STAT3: variants seen among roughly 807,000 people sequenced by gnomAD.
The protein encoded by STAT3 is signal transducer and activator of transcription 3, also known as DNA-binding protein APRF.
In STAT3, 7 loss-of-function variants were observed where a neutral mutation model predicts 114.3. The ratio of observed to expected loss-of-function variants is 0.06; its 90% CI spans 0.03 to 0.11. The LOEUF (loss-of-function observed/expected upper bound fraction) is 0.11, where lower values mean the gene tolerates loss of function less well. Ranked by LOEUF, STAT3 falls within the 10% of genes least tolerant of loss-of-function variation. The pLI is 1.00. For synonymous variants in STAT3, 331 were observed against 354.5 expected, an observed-to-expected ratio of 0.93 and a Z score of 0.74; for missense variants, 364 against 960.9, an observed-to-expected ratio of 0.38 and a Z score of 8.21.
intron 1 of STAT3, among the ~76,000 whole-genome samples, chr17:42,357,599 G>A (rs896714205): frequency 1.3e-5 from 2 of 152,094 alleles, no homozygotes; most frequent in Non-Finnish European, 2.9e-5. Flanking sequence ...TTGAACCCGC[G>A]AGGCAGAGGT....
At chr17:42,384,758 G>A (rs1255648310) in intron 1 of STAT3, among the ~76,000 whole-genome samples, 4 of 151,558 alleles carry the variant, frequency 2.6e-5, no homozygotes, top group African/African-American at 4.9e-5. Context: ...GTTTTACCAC[G>A]TTGCCCAAGC....
At chr17:42,359,406 C>T (rs558440021) in intron 1 of STAT3, among the ~76,000 whole-genome samples, 32 of 152,016 alleles carry the variant, frequency 2.1e-4, no homozygotes, top group Non-Finnish European at 4.3e-4. Flanking sequence ...GTCAGTGATG[C>T]TGTGATTTGG....
intron 1 of STAT3, among the ~76,000 whole-genome samples, chr17:42,370,070 A>G (rs1376224657): frequency 6.6e-6 from 1 of 151,902 alleles, no homozygotes; most frequent in Non-Finnish European, 1.5e-5. Context: ...CTCCTGGTTC[A>G]AGCGATTCTC....
At chr17:42,340,958 G>T (rs895289142) in intron 4 of STAT3, among the ~76,000 whole-genome samples, 1 of 152,106 alleles carries the variant, frequency 6.6e-6, no homozygotes, top group Non-Finnish European at 1.5e-5. Context: ...GCTCCATATG[G>T]ATGGCTGGGG....
At position 42,388,291 on chromosome 17, in the gene STAT3, CAGAGGCCG is replaced by C. The variant is rs2085226738; in HGVS notation, c.-44_-37del. ...GCACCCCCTTCACCTGTTTCTCCGGCAGAGGCCGAGAGGCCGGGGCTGCGCGTGTGCCG... is the reference window on the plus strand; with the variant it reads ...GCACCCCCTTCACCTGTTTCTCCGGCAGAGGCCGGGGCTGCGCGTGTGCCG... On this transcript the variant is annotated 5_prime_UTR_variant, in exon 1 of 24. Transcript: ENST00000264657. 75 of 1,231,756 alleles carry C rather than the reference CAGAGGCCG, an allele frequency of 6.1e-5. 1 individual carries two copies. In the South Asian group the frequency reaches 2.8e-3, roughly 47 times the overall value. 76.3% of individuals were successfully genotyped at this position (1,231,756 alleles called of 1,614,324 possible).
Position 42,341,758 on chromosome 17 carries a change from G to T in STAT3, c.373-2349C>A, listed in dbSNP as rs1370419964. 2.0e-5 allele frequency among the ~76,000 whole-genome samples: 3 copies of T among 151,980 alleles called. No individual in the cohort carries two copies. In the East Asian group the frequency reaches 5.8e-4, roughly 29 times the overall value. ...TAAGGGACAGAGGGTAAATATTTTT[G>T]GTTTCCTGGGTCATACAGTCCCTGC... On this transcript the variant is annotated intron_variant, in intron 4 of 23. Coordinates refer to ENST00000264657, the MANE Select transcript of STAT3 (RefSeq NM_139276.3).
Position 42,329,735 on chromosome 17 carries a change from G to A in STAT3, c.1139+12C>T. 6.2e-7 allele frequency: 1 copy of A among 1,614,216 alleles called. No individual in the cohort carries two copies. On this transcript the variant is annotated intron_variant, in intron 12 of 23. Coordinates refer to ENST00000264657, the MANE Select transcript of STAT3 (RefSeq NM_139276.3). ...TAAACGGAACAAAAGGAAGCCTCTA[G>A]GCTGAACTTACCCTCTGAGAGCTGC...
chr17:42,377,920 C>T (rs192634443), intron 1 of STAT3, among the ~76,000 whole-genome samples: 96 of 151,740 alleles, frequency 6.3e-4, no homozygotes, highest in African/African-American at 2.3e-3. Context: ...TTAGGGTAAA[C>T]GTCCGTGGAA....
intron 4 of STAT3, among the ~76,000 whole-genome samples, chr17:42,344,631 A>G (rs2082610933): frequency 6.6e-6 from 1 of 151,592 alleles, no homozygotes; most frequent in South Asian, 2.1e-4. Context: ...AGGCAAGAGA[A>G]TCGCTTGAAC....
chr17:42,347,595 C>G (rs1346981825), intron 2 of STAT3, among the ~76,000 whole-genome samples: 1 of 152,218 alleles, frequency 6.6e-6, no homozygotes, highest in Non-Finnish European at 1.5e-5. Context: ...ATCTACATCC[C>G]TGCCCAAATC....
At position 42,348,466 on chromosome 17, in the gene STAT3, C is replaced by T. The variant is rs924708899; in HGVS notation, c.51G>A (p.Gln17=). 2 of 1,614,048 alleles carry T rather than the reference C, an allele frequency of 1.2e-6. No individual in the cohort carries two copies. Among genetic ancestry groups the T allele is most frequent in the Non-Finnish European group, 1.7e-6 (2 of 1,180,030 alleles). Residue 17 remains glutamine (Q), a synonymous_variant, in exon 2 of 24, where the codon CAG becomes CAA. Transcript: ENST00000264657. Reference sequence around the variant, plus strand: ...AGCTGTCACTGTAGAGCTGATGGAGCTGCTCCAGGTACCGTGTGTCAAGCT... The same window carrying T: ...AGCTGTCACTGTAGAGCTGATGGAGTTGCTCCAGGTACCGTGTGTCAAGCT... ...LQQLDTRYLE[Q]LHQLYSDSFP...
rs930320698 is a variant in STAT3 at position 42,347,094 on chromosome 17, G to A, written c.129-381C>T. 4.0e-5 allele frequency among the ~76,000 whole-genome samples: 6 copies of A among 150,786 alleles called. No individual in the cohort carries two copies. In the East Asian group the frequency reaches 9.7e-4, roughly 24 times the overall value. On this transcript the variant is annotated intron_variant, in intron 2 of 23. Coordinates refer to ENST00000264657, the MANE Select transcript of STAT3 (RefSeq NM_139276.3). ...TCCCAGCTACTCGGGAGGCTGAGGC[G>A]GGAGAATCGCTTGAATCCAAGAGGC... is the stretch of plus-strand genomic sequence containing the variant.
intron 17 of STAT3, 87 bp from the exon 18 acceptor site, chr17:42,323,712 C>T: frequency 7.8e-7 from 1 of 1,277,120 alleles, no homozygotes; most frequent in Non-Finnish European, 1.1e-6. Flanking sequence ...ACACATTCAT[C>T]CCACAATGGG....
Position 42,324,970 on chromosome 17 carries a change from T to C in STAT3, c.1457A>G (p.Asn486Ser). Residue 486 changes from asparagine (N) to serine (S), a missense_variant, in exon 16 of 24, where the codon AAT (asparagine) becomes AGT (serine). By Grantham distance (46) the Asn-to-Ser change is conservative. Coordinates refer to ENST00000264657, the MANE Select transcript of STAT3 (RefSeq NM_139276.3). This position sits in a 1 kb window ranked among gnomAD's most constrained non-coding sequence, Gnocchi z 4.5. ...SILWYNMLTN[N>S]PKNVNFFTKP... is the part of the protein sequence containing the mutation. ...AAAGGAGGGGGCACTAACCTTGGGA[T>C]TGTTGGTCAGCATGTTGTACCACAG... 2 of 1,614,206 alleles carry C rather than the reference T, an allele frequency of 1.2e-6. No homozygotes were observed. The highest frequency in any genetic ancestry group is 2.7e-5 in the African/African-American group (2 of 75,048).
rs540657236 is a variant in STAT3, at chr17:42,321,179, G to C, written c.2101+1103C>G. On this transcript the variant is annotated intron_variant, in intron 21 of 23. Coordinates refer to ENST00000264657, the MANE Select transcript of STAT3 (RefSeq NM_139276.3). ...CTGTCACCCAGGCTGGAGTGCAGTGGTGCGATCATGGCTCACTGCAGCCTC... is the reference window on the plus strand; with the variant it reads ...CTGTCACCCAGGCTGGAGTGCAGTGCTGCGATCATGGCTCACTGCAGCCTC... 1.7e-3 allele frequency among the ~76,000 whole-genome samples: 255 copies of C among 147,156 alleles called. 2 individuals carry two copies. Among genetic ancestry groups the C allele is most frequent in the South Asian group, 8.7e-3 (40 of 4,606 alleles).
chr17:42,358,252 C>CA (rs1047800082), intron 1 of STAT3, among the ~76,000 whole-genome samples: 2 of 151,928 alleles, frequency 1.3e-5, no homozygotes, highest in Non-Finnish European at 2.9e-5. Context: ...CTTGCCTCTA[C>CA]AAAAAAATTT....
At chr17:42,328,328 T>C (rs2081832112) in intron 14 of STAT3, among the ~76,000 whole-genome samples, 1 of 152,216 alleles carries the variant, frequency 6.6e-6, no homozygotes, top group Non-Finnish European at 1.5e-5. Context: ...TCATGTACAT[T>C]TTCCCATATC....
intron 1 of STAT3, among the ~76,000 whole-genome samples, chr17:42,382,052 A>G (rs997365484): frequency 1.3e-5 from 2 of 152,170 alleles, no homozygotes; most frequent in African/African-American, 4.8e-5. Context: ...TGAACACACA[A>G]GGCTGTTTTA....
chr17:42,371,767 AG>A (rs1383954379), intron 1 of STAT3, among the ~76,000 whole-genome samples: 1 of 151,688 alleles, frequency 6.6e-6, no homozygotes, highest in African/African-American at 2.4e-5. Context: ...GGATTACCTG[AG>A]CTCAGGAGTT....
Sources: allele counts gnomAD v4.1 joint callset (sites outside exome capture counted in the v4.1 genomes callset), GRCh38; gene constraint gnomAD v4.1.1; non-coding constraint Gnocchi (gnomAD v3.1); transcripts MANE v1.5; gene names NCBI Gene and HGNC (gene_info 2026-07-23, HGNC 2026-07-21).